The following TDG variants were observed in gnomAD, a reference collection of about 807,000 sequenced individuals.
TDG encodes thymine DNA glycosylase, also known as G/T mismatch-specific thymine DNA glycosylase.
In TDG, 23 loss-of-function variants were observed where a neutral mutation model predicts 46.1. The ratio of observed to expected loss-of-function variants is 0.50; its 90% CI spans 0.36 to 0.71. The LOEUF is 0.71. Ranked by LOEUF, TDG falls within the 30% of genes least tolerant of loss-of-function variation. The pLI is 0.00. For synonymous variants in TDG, 115 were observed against 161.3 expected (o/e 0.71, Z 2.18); for missense variants, 304 against 486.7 (o/e 0.62, Z 3.53).
intron 1 of TDG, among the ~76,000 whole-genome samples, chr12:103,974,507 C>T (rs1175753668): frequency 6.6e-6 from 1 of 152,132 alleles, no homozygotes; most frequent in Non-Finnish European, 1.5e-5. Flanking sequence ...TCTTGAATTC[C>T]TGGCCTCAAG....
rs1218317946 is a variant in TDG, at chr12:103,985,619, G to A, written c.981G>A (p.Met327Ile). 6.2e-7 allele frequency: 1 copy of A among 1,613,830 alleles called. No homozygotes were observed. Among genetic ancestry groups the A allele is most frequent in the Non-Finnish European group, 8.5e-7 (1 of 1,179,852 alleles). The stretch of plus-strand genomic sequence containing the variant: ...TCCTCACAGAGGATGCAAAGAAGAT[G>A]GCTGTTAAGGAAGAAAAATATGATC... ...LQLAQEDAKK[M>I]AVKEEKYDPG... Residue 327 changes from methionine (M) to isoleucine (I), a missense_variant, in exon 9 of 10, where the codon ATG becomes ATA. Physicochemically the swap from Met to Ile is conservative, Grantham distance 10. Transcript: ENST00000392872.
intron 1 of TDG, 148 bp downstream of exon 1, chr12:103,966,208 C>A: frequency 3.6e-6 from 4 of 1,099,858 alleles, no homozygotes; most frequent in Non-Finnish European, 3.7e-6. Flanking sequence ...CCTGGTCGGC[C>A]TTTCCTTCCC....
chr12:103,984,675 A>G, intron 7 of TDG, 74 bp from the exon 8 acceptor site: 3 of 1,229,488 alleles, frequency 2.4e-6, no homozygotes, highest in Non-Finnish European at 3.2e-6. Context: ...AAATAAAGAC[A>G]AATATTCTAA....
chr12:103,966,089 C>T lies in TDG; in HGVS notation c.23+29C>T, dbSNP rs780983969. 5 of 1,550,472 alleles carry T rather than the reference C, an allele frequency of 3.2e-6. No individual in the cohort carries two copies. In the African/African-American group the frequency reaches 4.2e-5, roughly 13 times the overall value. On this transcript the variant is annotated intron_variant, in intron 1 of 9. Coordinates refer to ENST00000392872, the MANE Select transcript of TDG (RefSeq NM_003211.6). Reference sequence around the variant, plus strand: ...ATACCGGGGCCAGCGCCGCCCCTCCCTTGCGCCCCTCACTGCTGGGCAGGC... The same window carrying T: ...ATACCGGGGCCAGCGCCGCCCCTCCTTTGCGCCCCTCACTGCTGGGCAGGC...
rs2136229125 is a variant in TDG, at chr12:103,965,966, CACGCGGT to C, written c.-69_-63del. 1 of 1,554,232 alleles carries C rather than the reference CACGCGGT, an allele frequency of 6.4e-7. No homozygotes were observed. Among genetic ancestry groups the C allele is most frequent in the South Asian group, 1.2e-5 (1 of 85,416 alleles). On this transcript the variant is annotated 5_prime_UTR_variant, in exon 1 of 10. Coordinates refer to ENST00000392872, the MANE Select transcript of TDG (RefSeq NM_003211.6). ...GGGGTTGTCTTACCGCAGTGAGTACCACGCGGTACTACAGAGACCGGCTGCCCGTGTG... is the reference window on the plus strand; with the variant it reads ...GGGGTTGTCTTACCGCAGTGAGTACCACTACAGAGACCGGCTGCCCGTGTG...
At position 103,979,119 on chromosome 12, in the gene TDG, T is replaced by TTTTTTTTTTGGACAGA. The variant is rs1871687876; in HGVS notation, c.167-710_167-709insTTTTTTTGGACAGATT. ...TTTTCTTTTTTCTTTCTTTTTTTTT[T>TTTTTTTTTTGGACAGA]TTGGACAGAGTCTTGCTCTGTTGCC... On this transcript the variant is annotated intron_variant, in intron 2 of 9. Transcript: ENST00000392872. Among the ~76,000 whole-genome samples, 4 of 148,946 alleles carry TTTTTTTTTTGGACAGA rather than the reference T, an allele frequency of 2.7e-5. No homozygotes were observed. The South Asian group carries it at 8.7e-4, about 32-fold the overall frequency.
Position 103,987,133 on chromosome 12 carries a change from G to C in TDG, c.*43G>C, listed in dbSNP as rs761449148. On this transcript the variant is annotated 3_prime_UTR_variant, in exon 10 of 10. Transcript: ENST00000392872. ...TCTGCTTAAATGCTGCAGTTTTAAT[G>C]CAGTTGTCAACAAGTAGAACCTCAG... 6.2e-7 allele frequency: 1 copy of C among 1,600,350 alleles called. No individual in the cohort carries two copies.
At position 103,980,893 on chromosome 12, in the gene TDG, A is replaced by G. The variant is rs1006147672; in HGVS notation, c.409A>G (p.Ile137Val). ...AATGTCTAATTGTTTTGTTTTATAGATTGGCATAAACCCGGGACTAATGGC... is the reference window on the plus strand; with the variant it reads ...AATGTCTAATTGTTTTGTTTTATAGGTTGGCATAAACCCGGGACTAATGGC... Reference protein sequence around the residue: ...ILTFNLDIVIIGINPGLMAAY... With the variant: ...ILTFNLDIVIVGINPGLMAAY... The change falls in exon 4 of 10, where the codon ATT (isoleucine) becomes GTT (valine). Residue 137 changes from isoleucine to valine, a missense_variant and splice_region_variant. Transcript: ENST00000392872. 1 of 1,612,964 alleles carries G rather than the reference A, an allele frequency of 6.2e-7. No homozygotes were observed. The highest frequency in any genetic ancestry group is 8.5e-7 in the Non-Finnish European group (1 of 1,179,748).
Position 103,966,101 on chromosome 12 carries a change from A to G in TDG, c.23+41A>G, listed in dbSNP as rs200113822. 123 of 1,511,094 alleles carry G rather than the reference A, an allele frequency of 8.1e-5. 1 individual carries two copies. The East Asian group carries it at 1.7e-3, about 21-fold the overall frequency. The allele number at this position is 1,511,094 out of a possible 1,614,324, so 93.6% of individuals were successfully genotyped here. A position where few individuals can be genotyped will look rare whatever the true frequency, so the allele number is the denominator to read the frequency against. ...GCGCCGCCCCTCCCTTGCGCCCCTCACTGCTGGGCAGGCTGGCTGGCGCGC... is the reference window on the plus strand; with the variant it reads ...GCGCCGCCCCTCCCTTGCGCCCCTCGCTGCTGGGCAGGCTGGCTGGCGCGC... On this transcript the variant is annotated intron_variant, in intron 1 of 9. Transcript: ENST00000392872.
chr12:103,980,406 C>A, intron 3 of TDG: 1 of 282,774 alleles, frequency 3.5e-6, no homozygotes, highest in Non-Finnish European at 6.6e-6. Context: ...CCATGTGAAT[C>A]ACTTCAACTG....
chr12:103,974,985 AAAAAAAAAG>A (rs1389968991), intron 1 of TDG, among the ~76,000 whole-genome samples: 6 of 149,418 alleles, frequency 4.0e-5, no homozygotes. Context: ...AAAAAAAAAA[AAAAAAAAAG>A]AAAAAGAAAA....
chr12:103,975,528 G>A (rs1871492261), intron 1 of TDG, among the ~76,000 whole-genome samples: 1 of 152,194 alleles, frequency 6.6e-6, no homozygotes, highest in Non-Finnish European at 1.5e-5. Flanking sequence ...GAATCACACA[G>A]TGAGGCAGCA....
intron 1 of TDG, among the ~76,000 whole-genome samples, chr12:103,972,113 T>C (rs1266148123): frequency 6.6e-6 from 1 of 152,120 alleles, no homozygotes; most frequent in Non-Finnish European, 1.5e-5. Flanking sequence ...AAGATAAAAT[T>C]ATCCAGAACC....
At chr12:103,984,560 C>T (rs1299465304) in intron 7 of TDG, among the ~76,000 whole-genome samples, 189 bp from the exon 8 acceptor site, 2 of 152,112 alleles carry the variant, frequency 1.3e-5, no homozygotes, top group East Asian at 3.9e-4. Context: ...TTTTTCACTT[C>T]CTGACTTGGT....
intron 8 of TDG, among the ~76,000 whole-genome samples, chr12:103,985,154 T>TAGACAC (rs1872068562): frequency 1.7e-5 from 2 of 118,180 alleles, no homozygotes; most frequent in Non-Finnish European, 3.5e-5. Flanking sequence ...TGTGTGTCTA[T>TAGACAC]ATATAGACAC....
At chr12:103,972,895 A>AT in intron 1 of TDG, 1 of 614,510 alleles carries the variant, frequency 1.6e-6, no homozygotes, top group Non-Finnish European at 2.9e-6. Flanking sequence ...GTTTTGAAAA[A>AT]TTTTTTTAAA....
chr12:103,966,835 C>G (rs961662426), intron 1 of TDG, among the ~76,000 whole-genome samples: 3 of 152,156 alleles, frequency 2.0e-5, no homozygotes, highest in African/African-American at 4.8e-5. Flanking sequence ...TCCTGACTCT[C>G]AGTGGCTAAT....
chr12:103,977,706 G>A (rs1418459084), intron 2 of TDG, among the ~76,000 whole-genome samples: 1 of 152,196 alleles, frequency 6.6e-6, no homozygotes, highest in Non-Finnish European at 1.5e-5. Context: ...TTACTTGACT[G>A]GTGCTTTACA....
intron 1 of TDG, among the ~76,000 whole-genome samples, chr12:103,975,938 A>G (rs1467233643): frequency 1.3e-5 from 2 of 151,632 alleles, no homozygotes; most frequent in East Asian, 3.9e-4. Flanking sequence ...CTGGGTTTAC[A>G]GGTGTGAGCC....
Sources: gnomAD v4.1 joint callset for allele counts (sites outside exome capture counted in the v4.1 genomes callset) on GRCh38, gnomAD v4.1.1 for gene constraint, MANE v1.5 for transcripts, NCBI Gene and HGNC (gene_info 2026-07-23, HGNC 2026-07-21) for gene names.